The following VPS13B variants were observed in gnomAD, a reference collection of about 807,000 sequenced individuals.
The protein encoded by VPS13B is vacuolar protein sorting 13 homolog B.
Under a neutral mutation model 426.4 loss-of-function variants are expected in VPS13B, and 285 were observed. That is an observed-to-expected ratio of 0.67 (90% CI 0.61 to 0.74). The LOEUF (loss-of-function observed/expected upper bound fraction) is 0.74. VPS13B is among the 30% of genes least tolerant of loss of function. The pLI is 0.00. For missense variants in VPS13B, 4,537 were observed against 4,782.6 expected (o/e 0.95, Z 1.51); for synonymous variants, 1,676 against 1,676.4 (o/e 1.00, Z 0.01).
intron 2 of VPS13B, among the ~76,000 whole-genome samples, chr8:99,033,479 A>G (rs1362782939): frequency 6.6e-6 from 1 of 152,174 alleles, no homozygotes; most frequent in Non-Finnish European, 1.5e-5. Flanking sequence ...GAGCCCTTCT[A>G]GTGAATTTTT....
intron 17 of VPS13B, among the ~76,000 whole-genome samples, chr8:99,198,004 A>G (rs2132746314): frequency 6.6e-6 from 1 of 152,286 alleles, no homozygotes; most frequent in South Asian, 2.1e-4. Context: ...CACCAACCTA[A>G]TATATATGGT....
chr8:99,713,169 G>T (rs1832773616), intron 36 of VPS13B, among the ~76,000 whole-genome samples: 1 of 152,128 alleles, frequency 6.6e-6, no homozygotes, highest in South Asian at 2.1e-4. Flanking sequence ...ATAAGATTTT[G>T]TCATGCTTAC....
In VPS13B at chr8:99,870,765, C is replaced by T. The variant is rs375736015; in HGVS notation, c.11393-20C>T. 3 of 1,612,062 alleles carry T rather than the reference C, an allele frequency of 1.9e-6. No homozygotes were observed. Among genetic ancestry groups the T allele is most frequent in the Non-Finnish European group, 1.7e-6 (2 of 1,178,180 alleles). On this transcript the variant is annotated intron_variant, in intron 59 of 61. Transcript: ENST00000357162. Reference sequence around the variant, plus strand: ...TTCCAGAAAACAAGTAGTAAAACTCCCTTACTTCTCTTACCACAGGTATTT... The same window carrying T: ...TTCCAGAAAACAAGTAGTAAAACTCTCTTACTTCTCTTACCACAGGTATTT...
intron 3 of VPS13B, among the ~76,000 whole-genome samples, chr8:99,044,057 A>G (rs1380464129): frequency 1.6e-5 from 2 of 126,566 alleles, no homozygotes; most frequent in Non-Finnish European, 3.5e-5. Flanking sequence ...TTATAACCAC[A>G]TCATTTCTTT....
intron 19 of VPS13B, among the ~76,000 whole-genome samples, chr8:99,335,787 C>G (rs1259090376): frequency 2.0e-5 from 3 of 152,080 alleles, no homozygotes; most frequent in Admixed American, 6.6e-5. Context: ...GAATAAAATA[C>G]CTAGGAATCC....
intron 33 of VPS13B, among the ~76,000 whole-genome samples, chr8:99,606,543 G>T (rs1827590279): frequency 6.7e-6 from 1 of 148,854 alleles, no homozygotes; most frequent in East Asian, 2.0e-4. Context: ...AGAAAAAAAA[G>T]ATGTCAGCAT....
chr8:99,126,224 T>G (rs1167199611), intron 8 of VPS13B, among the ~76,000 whole-genome samples: 1 of 152,180 alleles, frequency 6.6e-6, no homozygotes, highest in Admixed American at 6.5e-5. Flanking sequence ...TTGGATTATT[T>G]TTTTCTTTAA....
At chr8:99,055,914 T>G (rs975313722) in intron 3 of VPS13B, among the ~76,000 whole-genome samples, 16 of 150,612 alleles carry the variant, frequency 1.1e-4, no homozygotes, top group Non-Finnish European at 1.8e-4. Context: ...TTTTTTTTTT[T>G]TTTTTTTTTA....
intron 21 of VPS13B, among the ~76,000 whole-genome samples, chr8:99,392,833 C>T (rs1814515886): frequency 6.6e-6 from 1 of 151,930 alleles, no homozygotes. Flanking sequence ...TAGCCACAAG[C>T]CTTTTACTTT....
intron 19 of VPS13B, among the ~76,000 whole-genome samples, chr8:99,322,384 A>G (rs973457154): frequency 1.3e-5 from 2 of 152,120 alleles, no homozygotes; most frequent in Non-Finnish European, 2.9e-5. Flanking sequence ...TTTCCTGAGT[A>G]GAGATTCCGT....
At position 99,835,325 on chromosome 8, in the gene VPS13B, G is replaced by A. The variant is rs759374475; in HGVS notation, c.9742+1G>A. ...ATGCTTATAAAGGAAAACATTAAAGGTATGTTTTATACTATCGAATTTAGA... is the reference window on the plus strand; with the variant it reads ...ATGCTTATAAAGGAAAACATTAAAGATATGTTTTATACTATCGAATTTAGA... On this transcript the variant is annotated splice_donor_variant, in intron 53 of 61. Coordinates refer to ENST00000357162, the MANE Select transcript of VPS13B (RefSeq NM_152564.5). LOFTEE classifies it high-confidence loss of function. The A allele has an allele frequency of 6.2e-7, 1 of 1,608,174 alleles. No homozygotes were observed. Among genetic ancestry groups the A allele is most frequent in the Non-Finnish European group, 8.5e-7 (1 of 1,174,848 alleles).
chr8:99,730,526 G>GA (rs919772657), intron 39 of VPS13B, among the ~76,000 whole-genome samples: 5 of 151,878 alleles, frequency 3.3e-5, no homozygotes, highest in African/African-American at 7.3e-5. Context: ...GTAAAAGTAT[G>GA]AAAAAAAGAT....
chr8:99,056,259 T>C (rs1843851534), intron 3 of VPS13B, among the ~76,000 whole-genome samples: 1 of 151,808 alleles, frequency 6.6e-6, no homozygotes, highest in Non-Finnish European at 1.5e-5. Flanking sequence ...TGGGTTTTCA[T>C]CATGTTGCCC....
intron 21 of VPS13B, among the ~76,000 whole-genome samples, chr8:99,400,865 T>G (rs1814995882): frequency 6.6e-6 from 1 of 152,164 alleles, no homozygotes; most frequent in African/African-American, 2.4e-5. Flanking sequence ...AGAGACAGGG[T>G]TTCACCATGT....
rs1831073102 is a variant in VPS13B, at chr8:99,679,540, C to A, written c.6046+18049C>A. Among the ~76,000 whole-genome samples, 4 of 152,254 alleles carry A rather than the reference C, an allele frequency of 2.6e-5. 1 individual carries two copies. In the South Asian group the frequency reaches 8.3e-4, roughly 32 times the overall value. On this transcript the variant is annotated intron_variant, in intron 35 of 61. Coordinates refer to ENST00000357162, the MANE Select transcript of VPS13B (RefSeq NM_152564.5). ...GTAATTTTGCTAGTAGTGATGATGTCCAGATCCCAGTGATAAGTATCATGA... is the reference window on the plus strand; with the variant it reads ...GTAATTTTGCTAGTAGTGATGATGTACAGATCCCAGTGATAAGTATCATGA...
At chr8:99,324,277 C>A (rs1588251553) in intron 19 of VPS13B, among the ~76,000 whole-genome samples, 1 of 152,118 alleles carries the variant, frequency 6.6e-6, no homozygotes, top group East Asian at 1.9e-4. Context: ...TTGTTGGGTA[C>A]CTATTTACTC....
intron 33 of VPS13B, among the ~76,000 whole-genome samples, chr8:99,613,169 T>A (rs1230908482): frequency 6.6e-6 from 1 of 152,234 alleles, no homozygotes; most frequent in Non-Finnish European, 1.5e-5. Context: ...TCATCTTTAG[T>A]GTCTCAAAAT....
intron 19 of VPS13B, among the ~76,000 whole-genome samples, chr8:99,380,370 A>G (rs1163260436): frequency 2.0e-5 from 3 of 152,178 alleles, no homozygotes; most frequent in African/African-American, 7.2e-5. Context: ...TATATATTAA[A>G]TTGGATTTTC....
chr8:99,724,681 A>G (rs1833263463), intron 39 of VPS13B, among the ~76,000 whole-genome samples: 1 of 152,132 alleles, frequency 6.6e-6, no homozygotes, highest in Admixed American at 6.5e-5. Flanking sequence ...AGCTCTTAAT[A>G]AGGGCTTGTT....
Sources: gnomAD v4.1 joint callset for allele counts (sites outside exome capture counted in the v4.1 genomes callset) on GRCh38, gnomAD v4.1.1 for gene constraint, MANE v1.5 for transcripts, NCBI Gene and HGNC (gene_info 2026-07-23, HGNC 2026-07-21) for gene names.